GHRL: variants seen among roughly 807,000 people sequenced by gnomAD.
The protein encoded by GHRL is appetite-regulating hormone.
Under a neutral mutation model 16.9 loss-of-function variants are expected in GHRL, and 24 were observed. The observed-to-expected ratio is 1.42, with a 90% confidence interval of 1.03 to 2.00. GHRL has a LOEUF of 2.00. GHRL is among the 30% of genes most tolerant of loss of function. The pLI is 0.00. For synonymous variants in GHRL, 63 were observed against 58.2 expected (o/e 1.08, Z -0.37); for missense variants, 193 against 142.1 (o/e 1.36, Z -1.82).
intron 1 of GHRL, chr3:10,291,974 T>G: frequency 6.6e-6 from 1 of 151,734 alleles, no homozygotes; most frequent in Non-Finnish European, 1.5e-5. Context: ...AGGGTGGCGA[T>G]GGGGTCATAA....
At position 10,285,693 on chromosome 3, in the gene GHRL, T is replaced by A. The variant is rs1250459357; in HGVS notation, c.*182A>T. On this transcript the variant is annotated 3_prime_UTR_variant, in exon 6 of 6. Transcript: ENST00000335542. ...TTTATTTGTATTATTTTGATTTTTT[T>A]AAAGTAAAATATTAACTTTTCCTCT... 5.4e-6 allele frequency: 3 copies of A among 556,038 alleles called. No individual in the cohort carries two copies. Among genetic ancestry groups the A allele is most frequent in the Admixed American group, 3.3e-5 (1 of 30,370 alleles). 34.4% of individuals were successfully genotyped at this position (556,038 alleles called of 1,614,324 possible).
At chr3:10,290,661 A>C in intron 2 of GHRL, 55 bp downstream of exon 2, 2 of 915,322 alleles carry the variant, frequency 2.2e-6, no homozygotes, top group South Asian at 4.8e-5. Flanking sequence ...GACGGGCAGC[A>C]GTCACGGACA....
chr3:10,290,944 A>G lies in GHRL; in HGVS notation c.-258T>C. The G allele has an allele frequency of 1.0e-6, 1 of 985,776 alleles. No individual in the cohort carries two copies. Among genetic ancestry groups the G allele is most frequent in the Non-Finnish European group, 1.2e-6 (1 of 830,130 alleles). The allele number at this position is 985,776 out of a possible 1,614,324, so 61.1% of individuals were successfully genotyped here. ...TGGCGAGGGAAGAAGCATGTGCTCC[A>G]GCTGTCCCTGGAACACGGTGGCGGG... On this transcript the variant is annotated 5_prime_UTR_variant, in exon 2 of 6. Transcript: ENST00000335542.
chr3:10,290,388 C>A (rs770262839), intron 2 of GHRL, 179 bp from the exon 3 acceptor site: 1 of 611,418 alleles, frequency 1.6e-6, no homozygotes, highest in Non-Finnish European at 2.8e-6. Flanking sequence ...GTGTTCTCTT[C>A]TCCAAGGCCG....
At position 10,289,897 on chromosome 3, in the gene GHRL, C is replaced by T; in HGVS notation, c.109-19G>A. The T allele has an allele frequency of 1.3e-6, 2 of 1,573,730 alleles. No individual in the cohort carries two copies. Among genetic ancestry groups the T allele is most frequent in the Non-Finnish European group, 1.7e-6 (2 of 1,146,422 alleles). ...TTCTCTGCTGGAAGGGGGAAACAGT[C>T]TGTTTAGGACTCTAAGCCCCCATGT... On this transcript the variant is annotated intron_variant, in intron 3 of 5. Transcript: ENST00000335542.
chr3:10,287,913 A>ATTTTTTTTTTTTTTTTTTTT (rs1576049089), intron 4 of GHRL: 2 of 87,952 alleles, frequency 2.3e-5, no homozygotes, highest in African/African-American at 3.5e-5. Flanking sequence ...GACATGATTG[A>ATTTTTTTTTTTTTTTTTTTT]ATTTTTTTTT....
chr3:10,290,309 T>C, intron 2 of GHRL, 100 bp from the exon 3 acceptor site: 4 of 1,184,252 alleles, frequency 3.4e-6, no homozygotes, highest in Non-Finnish European at 4.7e-6. Context: ...GGCTTTACCA[T>C]CTGGGGTCCT....
rs888348019 is a variant in GHRL at position 10,289,706 on chromosome 3, C to T, written c.225+56G>A. 8.1e-4 allele frequency: 878 copies of T among 1,088,710 alleles called. 8 individuals carry two copies. The highest frequency in any genetic ancestry group is 7.1e-5 in the Non-Finnish European group (50 of 701,164). The allele number at this position is 1,088,710 out of a possible 1,614,324, so 67.4% of individuals were successfully genotyped here. The stretch of plus-strand genomic sequence containing the variant: ...TGCCACCTCTCCCTGCCCTCCCTCT[C>T]CCCTGACCCCACCCTCCTCGCTGCC... On this transcript the variant is annotated intron_variant, in intron 4 of 5. Coordinates refer to ENST00000335542, the MANE Select transcript of GHRL (RefSeq NM_016362.5).
rs1699152029 is a variant in GHRL at position 10,286,826 on chromosome 3, C to T, written c.226-14G>A. 1 of 1,491,040 alleles carries T rather than the reference C, an allele frequency of 6.7e-7. No individual in the cohort carries two copies. The highest frequency in any genetic ancestry group is 9.4e-7 in the Non-Finnish European group (1 of 1,068,026). 92.4% of individuals were successfully genotyped at this position (1,491,040 alleles called of 1,614,324 possible). A position where few individuals can be genotyped will look rare whatever the true frequency, so the allele number is the denominator to read the frequency against. On this transcript the variant is annotated splice_polypyrimidine_tract_variant and intron_variant, in intron 4 of 5. Coordinates refer to ENST00000335542, the MANE Select transcript of GHRL (RefSeq NM_016362.5). Reference sequence around the variant, plus strand: ...GGGGGCGTTGAACTAGGAGGCAGGGCAGGGAGGACCCAGGAGATGTCAGAG... The same window carrying T: ...GGGGGCGTTGAACTAGGAGGCAGGGTAGGGAGGACCCAGGAGATGTCAGAG...
chr3:10,286,010 G>T, intron 5 of GHRL, 116 bp from the exon 6 acceptor site: 1 of 910,522 alleles, frequency 1.1e-6, no homozygotes, highest in Non-Finnish European at 1.8e-6. Flanking sequence ...GGAAGCACTG[G>T]CCTTGGAGTC....
At position 10,289,777 on chromosome 3, in the gene GHRL, A is replaced by G; in HGVS notation, c.210T>C (p.Asp70=). 1 of 1,606,904 alleles carries G rather than the reference A, an allele frequency of 6.2e-7. No homozygotes were observed. Among genetic ancestry groups the G allele is most frequent in the East Asian group, 2.2e-5 (1 of 44,786 alleles). ...AGGTACCGACCCGGACTTCCAGTTC[A>G]TCCTCTGCCCCTTCTGCTTGACCTC... is the stretch of plus-strand genomic sequence containing the variant. The part of the protein sequence containing the change: ...EDGGQAEGAE[D]ELEVRFNAPF... The change falls in exon 4 of 6, where the codon GAT becomes GAC. Residue 70 remains aspartate (D), a synonymous_variant. Coordinates refer to ENST00000335542, the MANE Select transcript of GHRL (RefSeq NM_016362.5).
rs758478747 is a variant in GHRL at position 10,290,119 on chromosome 3, G to A, written c.62C>T (p.Ala21Val). Residue 21 changes from alanine to valine, a missense_variant, in exon 3 of 6, where the codon GCC becomes GTC. Transcript: ENST00000335542. ...LLLGMLWLDL[A>V]MAGSSFLSPE... ...GCTCAGGAAGCTGGAGCCTGCCATG[G>A]CCAAGTCCAGCCAGAGCATGCCGAG... The A allele has an allele frequency of 3.5e-5, 57 of 1,613,140 alleles. No homozygotes were observed. The highest frequency in any genetic ancestry group is 4.7e-5 in the Non-Finnish European group (55 of 1,179,838).
chr3:10,290,284 G>A (rs1322577859), intron 2 of GHRL, 75 bp from the exon 3 acceptor site: 1 of 1,432,924 alleles, frequency 7.0e-7, no homozygotes, highest in Non-Finnish European at 9.5e-7. Context: ...TAGGAGCCCA[G>A]CAGATGGCGT....
At position 10,289,759 on chromosome 3, in the gene GHRL, G is replaced by T. The variant is rs566069502; in HGVS notation, c.225+3C>A. On this transcript the variant is annotated splice_donor_region_variant and intron_variant, in intron 4 of 5. Transcript: ENST00000335542. Reference sequence around the variant, plus strand: ...AGAAGCATAAAACTGCAGAGGTACCGACCCGGACTTCCAGTTCATCCTCTG... The same window carrying T: ...AGAAGCATAAAACTGCAGAGGTACCTACCCGGACTTCCAGTTCATCCTCTG... The T allele has an allele frequency of 1.3e-6, 2 of 1,566,510 alleles. No homozygotes were observed. The highest frequency in any genetic ancestry group is 1.8e-6 in the Non-Finnish European group (2 of 1,137,106).
intron 4 of GHRL, among the ~76,000 whole-genome samples, chr3:10,289,264 C>T (rs1699564199): frequency 6.6e-6 from 1 of 152,218 alleles, no homozygotes; most frequent in African/African-American, 2.4e-5. Context: ...ATCACCCACA[C>T]CTGCCCCCTC....
Position 10,290,914 on chromosome 3 carries a change from T to C in GHRL, c.-228A>G. The C allele has an allele frequency of 1.0e-6, 1 of 985,618 alleles. No homozygotes were observed. Among genetic ancestry groups the C allele is most frequent in the Non-Finnish European group, 1.2e-6 (1 of 830,036 alleles). The allele number at this position is 985,618 out of a possible 1,614,324, so 61.1% of individuals were successfully genotyped here. The stretch of plus-strand genomic sequence containing the variant: ...GAGGTCAGATGCCCTGCGGAATTGC[T>C]GGGTTGGCGAGGGAAGAAGCATGTG... On this transcript the variant is annotated 5_prime_UTR_variant, in exon 2 of 6. Transcript: ENST00000335542.
At chr3:10,286,592 A>G in intron 5 of GHRL, 112 bp downstream of exon 5, 1 of 625,982 alleles carries the variant, frequency 1.6e-6, no homozygotes, top group Non-Finnish European at 2.9e-6. Context: ...GGAAAGGGAA[A>G]TTAGAAGTTC....
In GHRL at chr3:10,292,914, C is replaced by A. The variant is rs1036041463; in HGVS notation, c.-838G>T. On this transcript the variant is annotated 5_prime_UTR_variant, in exon 1 of 6. Coordinates refer to ENST00000335542, the MANE Select transcript of GHRL (RefSeq NM_016362.5). ...GATAAGACCACCAGCAAGTAAACAT[C>A]CACTGTGCAAAGCTGTGTTATCTTT... The A allele has an allele frequency of 8.4e-6, 13 of 1,544,884 alleles. No individual in the cohort carries two copies. In the South Asian group the frequency reaches 1.1e-4, roughly 13 times the overall value.
At chr3:10,286,197 CTCAA>C (rs1699039576) in intron 5 of GHRL, among the ~76,000 whole-genome samples, 5 of 152,216 alleles carry the variant, frequency 3.3e-5, no homozygotes, top group Admixed American at 2.6e-4. Context: ...TTTCTGCCAC[CTCAA>C]TCAGTTGGGC....
Sources: allele counts gnomAD v4.1 joint callset (sites outside exome capture counted in the v4.1 genomes callset), GRCh38; gene constraint gnomAD v4.1.1; transcripts MANE v1.5; gene names NCBI Gene and HGNC (gene_info 2026-07-23, HGNC 2026-07-21).